OSBPL1A: variants seen among roughly 807,000 people sequenced by gnomAD.
OSBPL1A encodes the protein oxysterol-binding protein-related protein 1.
In OSBPL1A, 80 loss-of-function variants were observed where a neutral mutation model predicts 137.1. The ratio of observed to expected loss-of-function variants is 0.58; its 90% CI spans 0.49 to 0.70. The LOEUF is 0.70. OSBPL1A is among the 30% of genes least tolerant of loss of function. The pLI is 0.00. For missense variants in OSBPL1A, 970 were observed against 1,129.4 expected (o/e 0.86, Z 2.02); for synonymous variants, 365 against 389.7 (o/e 0.94, Z 0.75).
intron 14 of OSBPL1A, among the ~76,000 whole-genome samples, chr18:24,283,086 G>A (rs972701480): frequency 1.3e-5 from 2 of 151,162 alleles, no homozygotes; most frequent in African/African-American, 4.9e-5. Flanking sequence ...CCAACATGGT[G>A]AAACCCCATC....
At chr18:24,317,063 T>C (rs2090749743) in intron 11 of OSBPL1A, 86 bp downstream of exon 11, 4 of 1,364,656 alleles carry the variant, frequency 2.9e-6, no homozygotes, top group Non-Finnish European at 4.2e-6. Flanking sequence ...CCCAAGATTT[T>C]ACAAGGCTGT....
intron 4 of OSBPL1A, chr18:24,357,880 G>C (rs1489094632): frequency 1.3e-5 from 2 of 152,514 alleles, no homozygotes; most frequent in Non-Finnish European, 2.9e-5. Flanking sequence ...TAACAGAAGG[G>C]AGCACAGTGC....
rs139349136 is a variant in OSBPL1A at position 24,335,102 on chromosome 18, G to C, written c.395-772C>G. Reference sequence around the variant, plus strand: ...ATGGGGGTCTTACTGTGTTGCCCAGGCTGGTCTCAAACTCCTGGCCTGAAG... The same window carrying C: ...ATGGGGGTCTTACTGTGTTGCCCAGCCTGGTCTCAAACTCCTGGCCTGAAG... On this transcript the variant is annotated intron_variant, in intron 5 of 27. Coordinates refer to ENST00000319481, the MANE Select transcript of OSBPL1A (RefSeq NM_080597.4). 2.7e-3 allele frequency among the ~76,000 whole-genome samples: 415 copies of C among 152,202 alleles called. 2 individuals carry two copies. The highest frequency in any genetic ancestry group is 9.7e-3 in the African/African-American group (403 of 41,538).
chr18:24,334,421 C>A, intron 5 of OSBPL1A, 91 bp from the exon 6 acceptor site: 2 of 911,258 alleles, frequency 2.2e-6, no homozygotes, highest in Non-Finnish European at 1.6e-6. Context: ...TGAGAAAAAC[C>A]AAAATGTTTT....
At chr18:24,269,337 T>C (rs371266356) in intron 15 of OSBPL1A, among the ~76,000 whole-genome samples, 2 of 152,220 alleles carry the variant, frequency 1.3e-5, no homozygotes, top group African/African-American at 4.8e-5. Context: ...GACTGGACTT[T>C]CTCTTTATTC....
rs2089923138 is a variant in OSBPL1A, at chr18:24,279,904, A to G, written c.1281+938T>C. ...ACTCAGGCTGGAGTACAGTAGTGCA[A>G]TCTTGGCTCACTGCAGCCTCTGCCT... On this transcript the variant is annotated intron_variant, in intron 15 of 27. Coordinates refer to ENST00000319481, the MANE Select transcript of OSBPL1A (RefSeq NM_080597.4). 3.9e-5 allele frequency among the ~76,000 whole-genome samples: 6 copies of G among 152,000 alleles called. No individual in the cohort carries two copies. In the South Asian group the frequency reaches 1.2e-3, roughly 32 times the overall value.
At chr18:24,389,668 C>T (rs774669827) in intron 1 of OSBPL1A, among the ~76,000 whole-genome samples, 32 of 152,072 alleles carry the variant, frequency 2.1e-4, no homozygotes, top group Non-Finnish European at 3.8e-4. Flanking sequence ...TGGCCAGGTG[C>T]GGTGGCTCAC....
At chr18:24,261,878 T>C (rs978377199) in intron 15 of OSBPL1A, among the ~76,000 whole-genome samples, 5 of 152,134 alleles carry the variant, frequency 3.3e-5, no homozygotes, top group East Asian at 1.9e-4. Flanking sequence ...TTTCAAAGAA[T>C]AGGTGTTTTT....
rs760386947 is a variant in OSBPL1A at position 24,303,620 on chromosome 18, A to G, written c.1174+17T>C. ...TGTGTTAAAGAGTGATTGTAGGGAT[A>G]GTGCTTGTCTTTTTACCTTTAGCCA... On this transcript the variant is annotated intron_variant, in intron 14 of 27. Transcript: ENST00000319481. 8.2e-6 allele frequency: 13 copies of G among 1,593,994 alleles called. No individual in the cohort carries two copies. Among genetic ancestry groups the G allele is most frequent in the African/African-American group, 1.3e-5 (1 of 74,452 alleles).
intron 15 of OSBPL1A, among the ~76,000 whole-genome samples, chr18:24,278,656 A>C (rs1028598210): frequency 7.9e-5 from 12 of 152,200 alleles, no homozygotes; most frequent in African/African-American, 2.2e-4. Flanking sequence ...CTTCCAATCT[A>C]ATGTTCAGCC....
chr18:24,265,639 G>T (rs1180939612), intron 15 of OSBPL1A, among the ~76,000 whole-genome samples: 1 of 152,026 alleles, frequency 6.6e-6, no homozygotes, highest in African/African-American at 2.4e-5. Flanking sequence ...ACTCAAAAAG[G>T]CCCAGTGTCC....
At chr18:24,351,954 C>A (rs1483231474) in intron 4 of OSBPL1A, among the ~76,000 whole-genome samples, 1 of 152,142 alleles carries the variant, frequency 6.6e-6, no homozygotes, top group Non-Finnish European at 1.5e-5. Flanking sequence ...TTTATTTAAC[C>A]AAAATCTAGT....
chr18:24,383,791 A>G (rs1471888094), intron 1 of OSBPL1A, among the ~76,000 whole-genome samples: 2 of 152,220 alleles, frequency 1.3e-5, no homozygotes, highest in Non-Finnish European at 2.9e-5. Context: ...ATCTACTTAA[A>G]CAGTCCATTA....
intron 1 of OSBPL1A, among the ~76,000 whole-genome samples, chr18:24,389,746 C>T (rs1033690979): frequency 2.6e-5 from 4 of 151,984 alleles, no homozygotes; most frequent in African/African-American, 9.7e-5. Flanking sequence ...TTTGAGACCA[C>T]CCTGGCCAAC....
At chr18:24,354,181 T>TC (rs2091494181) in intron 4 of OSBPL1A, among the ~76,000 whole-genome samples, 1 of 151,898 alleles carries the variant, frequency 6.6e-6, no homozygotes, top group African/African-American at 2.4e-5. Flanking sequence ...AGTAGGTACT[T>TC]CTGGAAGTGG....
intron 14 of OSBPL1A, among the ~76,000 whole-genome samples, chr18:24,288,426 T>C (rs1170328823): frequency 6.6e-6 from 1 of 152,188 alleles, no homozygotes; most frequent in Non-Finnish European, 1.5e-5. Flanking sequence ...TTCAGAAGCA[T>C]CTAACTATTC....
At chr18:24,341,807 G>T in intron 4 of OSBPL1A, 149 bp from the exon 5 acceptor site, 1 of 492,904 alleles carries the variant, frequency 2.0e-6, no homozygotes, top group Non-Finnish European at 3.5e-6. Flanking sequence ...ATAAATGAGT[G>T]ATTCAACTAA....
At chr18:24,299,296 T>G (rs914828836) in intron 14 of OSBPL1A, among the ~76,000 whole-genome samples, 1 of 152,026 alleles carries the variant, frequency 6.6e-6, no homozygotes, top group Non-Finnish European at 1.5e-5. Context: ...AGATACTTTG[T>G]TTTTTTTCAT....
At chr18:24,371,888 G>C (rs1183732585) in intron 2 of OSBPL1A, among the ~76,000 whole-genome samples, 1 of 152,126 alleles carries the variant, frequency 6.6e-6, no homozygotes, top group Non-Finnish European at 1.5e-5. Context: ...CCACAGCCCT[G>C]TACCCTGTGG....
Sources: gnomAD v4.1 joint callset for allele counts (sites outside exome capture counted in the v4.1 genomes callset) on GRCh38, gnomAD v4.1.1 for gene constraint, MANE v1.5 for transcripts, NCBI Gene and HGNC (gene_info 2026-07-23, HGNC 2026-07-21) for gene names.